Variants in OPTN observed in about 807,000 individuals in gnomAD.
The protein encoded by OPTN is optineurin.
OPTN carries 54 observed loss-of-function variants against 70.4 expected under a neutral mutation model. The ratio of observed to expected loss-of-function variants is 0.77; its 90% CI spans 0.62 to 0.96. The LOEUF is 0.96. Ranked by LOEUF, OPTN falls within the 40% of genes least tolerant of loss-of-function variation. The probability of loss-of-function intolerance (pLI) is 0.00; values close to 1 mark genes in which losing one functional copy is unlikely to be tolerated. For synonymous variants in OPTN, 256 were observed against 248.5 expected (o/e 1.03, Z -0.28); for missense variants, 624 against 673.2 (o/e 0.93, Z 0.81).
At chr10:13,117,281 C>A (rs372211102) in intron 6 of OPTN, among the ~76,000 whole-genome samples, 2 of 151,304 alleles carry the variant, frequency 1.3e-5, no homozygotes, top group Non-Finnish European at 2.9e-5. Context: ...GGGGTTTCAC[C>A]GTGTTAGCCA....
chr10:13,114,483 G>C (rs979818478), intron 5 of OPTN, among the ~76,000 whole-genome samples: 1 of 151,720 alleles, frequency 6.6e-6, no homozygotes, highest in Non-Finnish European at 1.5e-5. Context: ...TCTTCCTTCA[G>C]GGTGCATGGT....
chr10:13,107,602 C>T (rs1040939377), intron 1 of OPTN, among the ~76,000 whole-genome samples: 2 of 151,706 alleles, frequency 1.3e-5, no homozygotes, highest in African/African-American at 2.4e-5. Context: ...AGGATGGTCT[C>T]GATCTCCTGA....
At chr10:13,130,037 C>A (rs1162344955) in intron 12 of OPTN, among the ~76,000 whole-genome samples, 1 of 152,186 alleles carries the variant, frequency 6.6e-6, no homozygotes, top group Non-Finnish European at 1.5e-5. Flanking sequence ...CTGCTGCAGT[C>A]ATGTATTTTT....
At chr10:13,134,481 G>A (rs899254379) in intron 14 of OPTN, among the ~76,000 whole-genome samples, 2 of 152,126 alleles carry the variant, frequency 1.3e-5, no homozygotes, top group African/African-American at 4.8e-5. Context: ...TGCCCAGGCT[G>A]GAGTGCAGTG....
chr10:13,106,646 C>T (rs1588431337), intron 1 of OPTN, among the ~76,000 whole-genome samples: 1 of 152,200 alleles, frequency 6.6e-6, no homozygotes, highest in Non-Finnish European at 1.5e-5. Context: ...CCTACAAGTT[C>T]CTCACACCAA....
rs1564371372 is a variant in OPTN, at chr10:13,137,703, A to G, written c.*837A>G. On this transcript the variant is annotated 3_prime_UTR_variant, in exon 15 of 15. Coordinates refer to ENST00000378747, the MANE Select transcript of OPTN (RefSeq NM_001008212.2). ...ATTGCAGCCACAATAATTTTACCAA[A>G]GTTTTCACATAGGCAGTTAGCCTTT... The G allele has an allele frequency of 4.3e-6, 1 of 230,710 alleles. No individual in the cohort carries two copies. Among genetic ancestry groups the G allele is most frequent in the East Asian group, 6.2e-5 (1 of 16,198 alleles). The allele number at this position is 230,710 out of a possible 1,614,324, so 14.3% of individuals were successfully genotyped here.
rs546375929 is a variant in OPTN at position 13,112,202 on chromosome 10, G to A, written c.370-251G>A. Among the ~76,000 whole-genome samples, 15 of 149,066 alleles carry A rather than the reference G, an allele frequency of 1.0e-4. No homozygotes were observed. The South Asian group carries it at 3.2e-3, about 32-fold the overall frequency. On this transcript the variant is annotated intron_variant, in intron 4 of 14. Coordinates refer to ENST00000378747, the MANE Select transcript of OPTN (RefSeq NM_001008212.2). ...GGGTCTTGGCAGTCTTAAACTCCTGGGCTCAGGCAGTCTTCCTGCCTCAGC... is the reference window on the plus strand; with the variant it reads ...GGGTCTTGGCAGTCTTAAACTCCTGAGCTCAGGCAGTCTTCCTGCCTCAGC...
At position 13,122,494 on chromosome 10, in the gene OPTN, C is replaced by A. The variant is rs753905304; in HGVS notation, c.882+7C>A. Reference sequence around the variant, plus strand: ...AGAGAAAGGCCCGGAGACTGTGAGTCCTAAGATTCCACGGCCACTACCACA... The same window carrying A: ...AGAGAAAGGCCCGGAGACTGTGAGTACTAAGATTCCACGGCCACTACCACA... On this transcript the variant is annotated splice_region_variant and intron_variant, in intron 8 of 14. Coordinates refer to ENST00000378747, the MANE Select transcript of OPTN (RefSeq NM_001008212.2). 4 of 1,595,832 alleles carry A rather than the reference C, an allele frequency of 2.5e-6. No homozygotes were observed. The highest frequency in any genetic ancestry group is 1.7e-5 in the Admixed American group (1 of 59,972).
chr10:13,117,420 T>C (rs1833240833), intron 6 of OPTN, among the ~76,000 whole-genome samples: 1 of 43,000 alleles, frequency 2.3e-5, no homozygotes. Flanking sequence ...ATCCATCTTT[T>C]TTTTTTTTTT....
intron 1 of OPTN, among the ~76,000 whole-genome samples, chr10:13,101,135 C>T (rs963958267): frequency 6.6e-6 from 1 of 152,040 alleles, no homozygotes; most frequent in Non-Finnish European, 1.5e-5. Flanking sequence ...AGTTTTGGGG[C>T]GGGGGCTGGA....
intron 4 of OPTN, among the ~76,000 whole-genome samples, chr10:13,111,418 C>G (rs1311104428): frequency 6.6e-6 from 1 of 152,060 alleles, no homozygotes; most frequent in Non-Finnish European, 1.5e-5. Flanking sequence ...AAATCGTGGG[C>G]TAGGCACGGT....
intron 12 of OPTN, among the ~76,000 whole-genome samples, chr10:13,129,200 C>T (rs1833538097): frequency 6.6e-6 from 1 of 152,042 alleles, no homozygotes; most frequent in Non-Finnish European, 1.5e-5. Context: ...TAACTTGGCA[C>T]CATTTAAGCC....
rs184319950 is a variant in OPTN at position 13,129,431 on chromosome 10, C to A, written c.1401+1528C>A. ...GCAGTGGCACGATCTTGGCTCACTG[C>A]AACCTCCACCTCCCGGGTTCAAGCC... On this transcript the variant is annotated intron_variant, in intron 12 of 14. Transcript: ENST00000378747. Among the ~76,000 whole-genome samples, 270 of 151,946 alleles carry A rather than the reference C, an allele frequency of 1.8e-3. 1 individual carries two copies. The highest frequency in any genetic ancestry group is 6.3e-3 in the African/African-American group (259 of 41,390).
chr10:13,112,564 G>C lies in OPTN; in HGVS notation c.481G>C (p.Val161Leu). 6.2e-7 allele frequency: 1 copy of C among 1,614,170 alleles called. No homozygotes were observed. Among genetic ancestry groups the C allele is most frequent in the East Asian group, 2.2e-5 (1 of 44,886 alleles). ...QAEKADLLGI[V>L]SELQLKLNSS... ...AGAGAAGGCAGACCTGTTGGGCATCGTGTCTGAACTGCAGCTCAAGCTGAA... is the reference window on the plus strand; with the variant it reads ...AGAGAAGGCAGACCTGTTGGGCATCCTGTCTGAACTGCAGCTCAAGCTGAA... The change falls in exon 5 of 15, where the codon GTG becomes CTG. Residue 161 changes from valine (V) to leucine (L), a missense_variant. By Grantham distance (32) the Val-to-Leu change is conservative (BLOSUM62 1). Transcript: ENST00000378747.
chr10:13,102,826 C>T (rs139844003), intron 1 of OPTN, among the ~76,000 whole-genome samples: 3,327 of 152,076 alleles, frequency 0.022, 123 homozygotes, highest in African/African-American at 0.075. Flanking sequence ...ACCTGTAATC[C>T]CAGCTACTTG....
At chr10:13,120,905 C>A (rs959952321) in intron 7 of OPTN, among the ~76,000 whole-genome samples, 2 of 152,106 alleles carry the variant, frequency 1.3e-5, no homozygotes, top group African/African-American at 4.8e-5. Flanking sequence ...CAAATCCTGG[C>A]GGAAAGCGAA....
chr10:13,104,491 C>A, intron 1 of OPTN: 1 of 264,524 alleles, frequency 3.8e-6, no homozygotes, highest in Non-Finnish European at 7.4e-6. Flanking sequence ...TGAAAATGTA[C>A]ATGACCTAAC....
intron 12 of OPTN, 144 bp downstream of exon 12, chr10:13,128,047 A>G (rs937801764): frequency 3.2e-6 from 3 of 945,420 alleles, no homozygotes; most frequent in Non-Finnish European, 5.0e-6. Flanking sequence ...TTAAAATTGA[A>G]ACATTTGGAA....
chr10:13,118,134 C>T (rs1284797202), intron 6 of OPTN, among the ~76,000 whole-genome samples: 8 of 152,202 alleles, frequency 5.3e-5, no homozygotes, highest in South Asian at 2.1e-4. Flanking sequence ...TTGTGAGTAT[C>T]GTAATTAGTT....
Sources: allele counts gnomAD v4.1 joint callset (sites outside exome capture counted in the v4.1 genomes callset), GRCh38; gene constraint gnomAD v4.1.1; transcripts MANE v1.5; gene names NCBI Gene and HGNC (gene_info 2026-07-23, HGNC 2026-07-21).